PPP1R36: variants seen among roughly 807,000 people sequenced by gnomAD.
PPP1R36 encodes the protein protein phosphatase 1 regulatory subunit 36, also known as chromosome 14 open reading frame 50.
A neutral mutation model predicts 53.4 loss-of-function variants in PPP1R36; 47 were observed. The observed-to-expected ratio is 0.88, with a 90% confidence interval of 0.70 to 1.12. PPP1R36 has a LOEUF of 1.12. Among genes scored for constraint, PPP1R36 ranks in the 50% most tolerant of loss-of-function variants. The pLI is 0.00. For synonymous variants in PPP1R36, 153 were observed against 170.5 expected, an observed-to-expected ratio of 0.90 and a Z score of 0.80; for missense variants, 456 against 513.9, an observed-to-expected ratio of 0.89 and a Z score of 1.09.
chr14:64,575,506 T>C (rs544052187), intron 8 of PPP1R36, among the ~76,000 whole-genome samples: 2 of 152,346 alleles, frequency 1.3e-5, no homozygotes, highest in East Asian at 1.9e-4. Context: ...TTGTGTGTTA[T>C]AATATTTCTG....
chr14:64,583,685 A>G (rs1323257212), intron 8 of PPP1R36, among the ~76,000 whole-genome samples: 1 of 151,454 alleles, frequency 6.6e-6, no homozygotes, highest in African/African-American at 2.4e-5. Context: ...GTGGTTGCGC[A>G]TGTCTGTAAT....
chr14:64,585,935 T>C (rs931825841), intron 8 of PPP1R36, among the ~76,000 whole-genome samples: 2 of 152,106 alleles, frequency 1.3e-5, no homozygotes. Context: ...CATGCCAGTA[T>C]AGTATTCTTT....
rs747687724 is a variant in PPP1R36, at chr14:64,552,863, T to C, written c.182+2T>C. ...GTGGCTCCTGAAACATCACCCTCAG[T>C]GAGTGTGAGACAGACAGTGAGATAG... On this transcript the variant is annotated splice_donor_variant, in intron 3 of 11. Coordinates refer to ENST00000298705, the MANE Select transcript of PPP1R36 (RefSeq NM_172365.3). LOFTEE classifies it high-confidence loss of function. 1 of 1,612,842 alleles carries C rather than the reference T, an allele frequency of 6.2e-7. No individual in the cohort carries two copies. Among genetic ancestry groups the C allele is most frequent in the South Asian group, 1.1e-5 (1 of 91,064 alleles).
intron 8 of PPP1R36, among the ~76,000 whole-genome samples, chr14:64,576,253 G>A (rs997563919): frequency 3.3e-5 from 5 of 151,630 alleles, no homozygotes; most frequent in African/African-American, 9.7e-5. Context: ...ATTAATTTTT[G>A]TATTTTTAGT....
intron 3 of PPP1R36, among the ~76,000 whole-genome samples, chr14:64,563,240 C>T (rs1428092503): frequency 6.6e-6 from 1 of 152,088 alleles, no homozygotes; most frequent in Admixed American, 6.6e-5. Flanking sequence ...GGTGTGATCT[C>T]AGCTCACTGC....
intron 8 of PPP1R36, among the ~76,000 whole-genome samples, chr14:64,585,941 T>C (rs2080429860): frequency 6.6e-6 from 1 of 152,038 alleles, no homozygotes; most frequent in East Asian, 1.9e-4. Context: ...AGTATAGTAT[T>C]CTTTTTTTTT....
intron 8 of PPP1R36, among the ~76,000 whole-genome samples, chr14:64,585,825 C>T (rs1418058922): frequency 6.6e-6 from 1 of 152,248 alleles, no homozygotes; most frequent in Non-Finnish European, 1.5e-5. Flanking sequence ...ATAACCCCCT[C>T]AGTCAACTCT....
rs2080444791 is a variant in PPP1R36 at position 64,587,453 on chromosome 14, T to C, written c.890+81T>C. 12 of 306,724 alleles carry C rather than the reference T, an allele frequency of 3.9e-5. No homozygotes were observed. In the African/African-American group the frequency reaches 4.6e-4, roughly 12 times the overall value. 19.0% of individuals were successfully genotyped at this position (306,724 alleles called of 1,614,324 possible). Reference sequence around the variant, plus strand: ...CTTTTCTTTTCTTTTTTCTCCTTTTTTTTTTTTTTTTTTTTTTTTTTTTTT... The same window carrying C: ...CTTTTCTTTTCTTTTTTCTCCTTTTCTTTTTTTTTTTTTTTTTTTTTTTTT... On this transcript the variant is annotated intron_variant, in intron 10 of 11. Coordinates refer to ENST00000298705, the MANE Select transcript of PPP1R36 (RefSeq NM_172365.3).
rs1426962832 is a variant in PPP1R36, at chr14:64,589,369, C to T, written c.*31C>T. The stretch of plus-strand genomic sequence containing the variant: ...TACATTCCATATCTCAAGTAAACTA[C>T]TTTGACTTTATAGAAGATGGTTATT... On this transcript the variant is annotated 3_prime_UTR_variant, in exon 12 of 12. Coordinates refer to ENST00000298705, the MANE Select transcript of PPP1R36 (RefSeq NM_172365.3). The T allele has an allele frequency of 6.8e-7, 1 of 1,468,956 alleles. No homozygotes were observed. Among genetic ancestry groups the T allele is most frequent in the Admixed American group, 2.1e-5 (1 of 46,906 alleles). 91.0% of individuals were successfully genotyped at this position (1,468,956 alleles called of 1,614,324 possible). A position where few individuals can be genotyped will look rare whatever the true frequency, so the allele number is the denominator to read the frequency against.
intron 3 of PPP1R36, among the ~76,000 whole-genome samples, chr14:64,556,609 T>TC (rs2080154451): frequency 6.7e-6 from 1 of 148,832 alleles, no homozygotes; most frequent in South Asian, 2.2e-4. Flanking sequence ...CAATTTTTTT[T>TC]TTTTTTTTTT....
chr14:64,559,119 A>G (rs1427690413), intron 3 of PPP1R36, among the ~76,000 whole-genome samples: 1 of 152,150 alleles, frequency 6.6e-6, no homozygotes. Context: ...GGAAGGTGGG[A>G]CTGGGATCAA....
In PPP1R36 at chr14:64,574,623, C is replaced by G. The variant is rs371970893; in HGVS notation, c.668+34C>G. On this transcript the variant is annotated intron_variant, in intron 8 of 11. Coordinates refer to ENST00000298705, the MANE Select transcript of PPP1R36 (RefSeq NM_172365.3). ...ATACTTACACTTCATTAGATCATCACTCCATCATAGACTCACATCCTTAAG... is the reference window on the plus strand; with the variant it reads ...ATACTTACACTTCATTAGATCATCAGTCCATCATAGACTCACATCCTTAAG... The G allele has an allele frequency of 4.7e-5, 74 of 1,585,272 alleles. 2 individuals are homozygous for G. The highest frequency in any genetic ancestry group is 3.3e-4 in the Admixed American group (18 of 53,968).
At chr14:64,567,600 A>G (rs2080270610) in intron 6 of PPP1R36, among the ~76,000 whole-genome samples, 1 of 152,176 alleles carries the variant, frequency 6.6e-6, no homozygotes, top group East Asian at 1.9e-4. Flanking sequence ...ATGTTGGTGG[A>G]GGAGGATGTT....
rs2080436320 is a variant in PPP1R36 at position 64,586,719 on chromosome 14, A to G, written c.669-118A>G. The G allele has an allele frequency of 6.2e-6, 4 of 646,548 alleles. No homozygotes were observed. The East Asian group carries it at 1.1e-4, about 17-fold the overall frequency. 40.1% of individuals were successfully genotyped at this position (646,548 alleles called of 1,614,324 possible). ...CAATGCCTTTTGATAGCATTTGTGT[A>G]GCTGAAAATAATCTTGGGGCCAAGA... On this transcript the variant is annotated intron_variant, in intron 8 of 11. Transcript: ENST00000298705.
At chr14:64,574,962 T>C (rs1003465219) in intron 8 of PPP1R36, among the ~76,000 whole-genome samples, 2 of 152,356 alleles carry the variant, frequency 1.3e-5, no homozygotes, top group South Asian at 2.1e-4. Context: ...CCTATCCTTT[T>C]ACTGCTTATT....
intron 8 of PPP1R36, among the ~76,000 whole-genome samples, chr14:64,580,242 A>G (rs1253347085): frequency 2.0e-5 from 3 of 152,190 alleles, no homozygotes. Context: ...TTGAGGCTGC[A>G]ATGTGTCATG....
At chr14:64,554,808 T>TA (rs1239702943) in intron 3 of PPP1R36, among the ~76,000 whole-genome samples, 1 of 152,056 alleles carries the variant, frequency 6.6e-6, no homozygotes, top group Non-Finnish European at 1.5e-5. Flanking sequence ...AATGGAAAGA[T>TA]AAGCAGGGGT....
At chr14:64,555,380 C>T (rs187144061) in intron 3 of PPP1R36, among the ~76,000 whole-genome samples, 121 of 152,246 alleles carry the variant, frequency 7.9e-4, no homozygotes, top group Middle Eastern at 3.4e-3. Context: ...CCGAAATAGA[C>T]GATTCTGATG....
At position 64,588,256 on chromosome 14, in the gene PPP1R36, A is replaced by G; in HGVS notation, c.1043A>G (p.Gln348Arg). 6.2e-7 allele frequency: 1 copy of G among 1,613,892 alleles called. No homozygotes were observed. The highest frequency in any genetic ancestry group is 8.5e-7 in the Non-Finnish European group (1 of 1,179,820). ...GACGTCAGATTCCCAGCCGAGATGC[A>G]AAAGCATGTGGGAACTCTGGACTCT... ...QVDVRFPAEMQKHVGTLDSVP... is the reference protein window; with the variant it reads ...QVDVRFPAEMRKHVGTLDSVP... The change falls in exon 11 of 12, where the codon CAA (glutamine) becomes CGA (arginine). Residue 348 changes from glutamine to arginine, a missense_variant. Gln to Arg is a conservative substitution (Grantham distance 43). Coordinates refer to ENST00000298705, the MANE Select transcript of PPP1R36 (RefSeq NM_172365.3).
Sources: gnomAD v4.1 joint callset for allele counts (sites outside exome capture counted in the v4.1 genomes callset) on GRCh38, gnomAD v4.1.1 for gene constraint, MANE v1.5 for transcripts, NCBI Gene and HGNC (gene_info 2026-07-23, HGNC 2026-07-21) for gene names.